The following GPR137C variants were observed in gnomAD, a reference collection of about 807,000 sequenced individuals.
GPR137C encodes the protein integral membrane protein GPR137C.
Under a neutral mutation model 43.4 loss-of-function variants are expected in GPR137C, and 27 were observed. That is an observed-to-expected ratio of 0.62 (90% CI 0.46 to 0.86). GPR137C has a LOEUF of 0.86. GPR137C is among the 40% of genes least tolerant of loss of function. The probability of loss-of-function intolerance (pLI) is 0.00; values close to 1 mark genes in which losing one functional copy is unlikely to be tolerated. For missense variants in GPR137C, 522 were observed against 534.6 expected (o/e 0.98, Z 0.23); for synonymous variants, 285 against 226.9 (o/e 1.26, Z -2.30).
intron 1 of GPR137C, among the ~76,000 whole-genome samples, chr14:52,580,127 A>T (rs1402832827): frequency 2.0e-5 from 3 of 152,160 alleles, no homozygotes; most frequent in African/African-American, 7.2e-5. Flanking sequence ...TCCAACATTC[A>T]TTATTGCAGT....
intron 1 of GPR137C, among the ~76,000 whole-genome samples, chr14:52,597,177 C>T (rs1368241543): frequency 6.6e-6 from 1 of 152,136 alleles, no homozygotes; most frequent in Non-Finnish European, 1.5e-5. Context: ...CAGTTTTTCC[C>T]CTTACCTCAT....
intron 1 of GPR137C, among the ~76,000 whole-genome samples, chr14:52,571,924 G>A (rs560770918): frequency 3.2e-4 from 48 of 152,206 alleles, no homozygotes; most frequent in South Asian, 3.1e-3. Context: ...TATCATCACC[G>A]ATCCCATAGA....
chr14:52,554,163 G>T (rs1474373883), intron 1 of GPR137C, among the ~76,000 whole-genome samples: 4 of 152,190 alleles, frequency 2.6e-5, no homozygotes, highest in Non-Finnish European at 5.9e-5. Flanking sequence ...CCCCAGCAGG[G>T]TTGATGATCA....
chr14:52,597,837 C>T (rs746182230), intron 1 of GPR137C, among the ~76,000 whole-genome samples: 17 of 152,052 alleles, frequency 1.1e-4, no homozygotes, highest in Admixed American at 2.6e-4. Context: ...TACCTCATTT[C>T]GCTTTACAAA....
At chr14:52,586,506 A>G (rs571155543) in intron 1 of GPR137C, among the ~76,000 whole-genome samples, 61 of 152,288 alleles carry the variant, frequency 4.0e-4, no homozygotes, top group African/African-American at 1.3e-3. Flanking sequence ...CAACGGCTCT[A>G]CTTTCTTGCT....
intron 1 of GPR137C, among the ~76,000 whole-genome samples, chr14:52,589,703 A>G (rs1204929215): frequency 6.6e-6 from 1 of 152,188 alleles, no homozygotes; most frequent in Non-Finnish European, 1.5e-5. Flanking sequence ...GTTTCAGTCA[A>G]TAACTCACCC....
chr14:52,622,385 A>T (rs1383116075), intron 3 of GPR137C, among the ~76,000 whole-genome samples: 1 of 152,098 alleles, frequency 6.6e-6, no homozygotes, highest in Non-Finnish European at 1.5e-5. Flanking sequence ...GATACATTTC[A>T]TTAGACAATA....
chr14:52,554,460 C>G (rs907507705), intron 1 of GPR137C, among the ~76,000 whole-genome samples: 1 of 152,062 alleles, frequency 6.6e-6, no homozygotes, highest in Non-Finnish European at 1.5e-5. Context: ...GGTATTTGAC[C>G]CATTTCAAAC....
At chr14:52,553,686 A>G in intron 1 of GPR137C, 95 bp downstream of exon 1, 3 of 677,974 alleles carry the variant, frequency 4.4e-6, no homozygotes, top group Non-Finnish European at 7.3e-6. Flanking sequence ...GGGGGTGGGC[A>G]GCGAGAGGCG....
chr14:52,633,140 CAT>C (rs2039313447), intron 4 of GPR137C, among the ~76,000 whole-genome samples: 1 of 152,028 alleles, frequency 6.6e-6, no homozygotes, highest in Admixed American at 6.6e-5. Flanking sequence ...AGTGACTTAA[CAT>C]GTTACATTTT....
intron 1 of GPR137C, among the ~76,000 whole-genome samples, chr14:52,569,074 G>A (rs1319255842): frequency 1.3e-5 from 2 of 152,188 alleles, no homozygotes; most frequent in Non-Finnish European, 2.9e-5. Context: ...ATGGGTGCCC[G>A]TCTGGGACGA....
chr14:52,583,127 C>G (rs971484733), intron 1 of GPR137C, among the ~76,000 whole-genome samples: 16 of 152,078 alleles, frequency 1.1e-4, no homozygotes, highest in African/African-American at 3.6e-4. Context: ...TACAGCCCAT[C>G]TGACTTAAAT....
At chr14:52,595,332 T>G (rs2038839970) in intron 1 of GPR137C, among the ~76,000 whole-genome samples, 1 of 152,146 alleles carries the variant, frequency 6.6e-6, no homozygotes, top group Non-Finnish European at 1.5e-5. Context: ...CTTTGTGGTG[T>G]TCTCTGAATT....
At chr14:52,619,496 C>A (rs2039135539) in intron 3 of GPR137C, among the ~76,000 whole-genome samples, 1 of 152,136 alleles carries the variant, frequency 6.6e-6, no homozygotes, top group Non-Finnish European at 1.5e-5. Flanking sequence ...GCTGCCCTAG[C>A]TACTGCAGTT....
intron 3 of GPR137C, among the ~76,000 whole-genome samples, chr14:52,609,394 C>T (rs1002544276): frequency 6.6e-6 from 1 of 152,214 alleles, no homozygotes; most frequent in African/African-American, 2.4e-5. Context: ...ATCTCCATCA[C>T]TTTGGGGTAA....
chr14:52,623,821 T>C (rs921066376), intron 3 of GPR137C, among the ~76,000 whole-genome samples: 3 of 152,116 alleles, frequency 2.0e-5, no homozygotes, highest in Non-Finnish European at 2.9e-5. Context: ...GTTGGGAAAA[T>C]TATAGTGCTA....
chr14:52,553,511 T>C lies in GPR137C; in HGVS notation c.364T>C (p.Phe122Leu). ...CCGGCCGCCCGCTCACCTGCACTTC[T>C]TCCCCCACTGGCTGCTCTACTGCTT... ...LLRPPAHLHF[F>L]PHWLLYCFPS... The change falls in exon 1 of 7, where the codon TTC (phenylalanine) becomes CTC (leucine). Residue 122 changes from phenylalanine (F) to leucine (L), a missense_variant. Phe to Leu is a conservative substitution (Grantham distance 22). This residue lies in a region of GPR137C where 437 missense variants were observed against 425.7 expected (regional missense o/e 1.03). Coordinates refer to ENST00000321662, the MANE Select transcript of GPR137C (RefSeq NM_001099652.2). 1.2e-6 allele frequency: 2 copies of C among 1,609,360 alleles called. No homozygotes were observed. The highest frequency in any genetic ancestry group is 8.5e-7 in the Non-Finnish European group (1 of 1,179,670).
intron 1 of GPR137C, among the ~76,000 whole-genome samples, chr14:52,571,837 A>G (rs1192421728): frequency 6.6e-6 from 1 of 152,004 alleles, no homozygotes; most frequent in Non-Finnish European, 1.5e-5. Context: ...AGATTAACAA[A>G]ATAGACCACT....
intron 3 of GPR137C, among the ~76,000 whole-genome samples, chr14:52,622,769 T>G (rs2039174916): frequency 6.6e-6 from 1 of 152,094 alleles, no homozygotes; most frequent in Non-Finnish European, 1.5e-5. Context: ...AGAATTACTT[T>G]AAGGGCACAT....
Sources: allele counts gnomAD v4.1 joint callset (sites outside exome capture counted in the v4.1 genomes callset), GRCh38; gene constraint gnomAD v4.1.1; regional missense constraint gnomAD v4.1.1; transcripts MANE v1.5; gene names NCBI Gene and HGNC (gene_info 2026-07-23, HGNC 2026-07-21).